The following MSH6 variants were observed in gnomAD, a reference collection of about 807,000 sequenced individuals.
MSH6 encodes mutS homolog 6.
Under a neutral mutation model 119.1 loss-of-function variants are expected in MSH6, and 85 were observed. That is an observed-to-expected ratio of 0.71 (90% CI 0.60 to 0.85). The LOEUF (loss-of-function observed/expected upper bound fraction) is 0.85. MSH6 is among the 40% of genes least tolerant of loss of function. MSH6 has a pLI of 0.00. For missense variants in MSH6, 2,163 were observed against 1,655.3 expected (o/e 1.31, Z -5.32); for synonymous variants, 830 against 586.9 (o/e 1.41, Z -5.99).
In MSH6 at chr2:47,806,932, A is replaced by G. The variant is rs1670244112; in HGVS notation, c.*72A>G. ...AATTCAGACAACATTATGATCTAAT[A>G]AACTTTATTTTTTAAAAATGACCAT... is the stretch of plus-strand genomic sequence containing the variant. On this transcript the variant is annotated 3_prime_UTR_variant, in exon 10 of 10. Transcript: ENST00000234420. 4 of 1,156,944 alleles carry G rather than the reference A, an allele frequency of 3.5e-6. No individual in the cohort carries two copies. The highest frequency in any genetic ancestry group is 5.1e-6 in the Non-Finnish European group (4 of 778,758). The allele number at this position is 1,156,944 out of a possible 1,614,324, so 71.7% of individuals were successfully genotyped here.
rs1182444882 is a variant in MSH6 at position 47,791,002 on chromosome 2, C to A, written c.336C>A (p.Asn112Lys). 3.1e-6 allele frequency: 5 copies of A among 1,614,096 alleles called. No homozygotes were observed. The highest frequency in any genetic ancestry group is 4.2e-6 in the Non-Finnish European group (5 of 1,180,046). The change falls in exon 2 of 10, where the codon AAC becomes AAA. Residue 112 changes from asparagine (N) to lysine (K), a missense_variant. By Grantham distance (94) the Asn-to-Lys change is moderately conservative. Transcript: ENST00000234420. ...GYPWWPCLVY[N>K]HPFDGTFIRE... ...CCTGGTGGCCTTGTCTGGTTTACAA[C>A]CACCCCTTTGATGGAACATTCATCC...
intron 1 of MSH6, among the ~76,000 whole-genome samples, chr2:47,785,850 T>C (rs1668319041): frequency 6.6e-6 from 1 of 152,240 alleles, no homozygotes; most frequent in Admixed American, 6.5e-5. Context: ...ATTTGTTTCT[T>C]GAGGTTGAGT....
At chr2:47,790,726 C>T (rs528460203) in intron 1 of MSH6, among the ~76,000 whole-genome samples, 2 of 152,202 alleles carry the variant, frequency 1.3e-5, no homozygotes, top group African/African-American at 4.8e-5. Context: ...TTGTGTTTGT[C>T]TTCATAGTTA....
At position 47,799,337 on chromosome 2, in the gene MSH6, A is replaced by T. The variant is rs780734507; in HGVS notation, c.1354A>T (p.Met452Leu). 2 of 1,614,068 alleles carry T rather than the reference A, an allele frequency of 1.2e-6. No individual in the cohort carries two copies. The highest frequency in any genetic ancestry group is 1.7e-6 in the Non-Finnish European group (2 of 1,180,028). Reference sequence around the variant, plus strand: ...AGTCAGTGAACTGGGGCTGGTATTCATGAAAGGCAACTGGGCCCATTCTGG... The same window carrying T: ...AGTCAGTGAACTGGGGCTGGTATTCTTGAAAGGCAACTGGGCCCATTCTGG... ...IGVSELGLVF[M>L]KGNWAHSGFP... The change falls in exon 4 of 10, where the codon ATG becomes TTG. Residue 452 changes from methionine (M) to leucine (L), a missense_variant. Physicochemically the swap from Met to Leu is conservative, Grantham distance 15. Transcript: ENST00000234420.
rs2104350987 is a variant in MSH6, at chr2:47,799,532, A to G, written c.1549A>G (p.Ile517Val). The G allele has an allele frequency of 6.2e-7, 1 of 1,614,190 alleles. No individual in the cohort carries two copies. The highest frequency in any genetic ancestry group is 1.6e-4 in the Middle Eastern group (1 of 6,062). ...GGTGAGGAGGGAGATCTGTAGGATC[A>G]TTACCAAGGGTACACAGACTTACAG... Reference protein sequence around the residue: ...RVVRREICRIITKGTQTYSVL... With the variant: ...RVVRREICRIVTKGTQTYSVL... The change falls in exon 4 of 10, where the codon ATT (isoleucine) becomes GTT (valine). Residue 517 changes from isoleucine (I) to valine (V), a missense_variant. By Grantham distance (29) the Ile-to-Val change is conservative (BLOSUM62 3). Transcript: ENST00000234420.
At chr2:47,804,681 A>G (rs1250350915) in intron 5 of MSH6, among the ~76,000 whole-genome samples, 1 of 152,130 alleles carries the variant, frequency 6.6e-6, no homozygotes, top group Non-Finnish European at 1.5e-5. Context: ...GTGGGTTGGT[A>G]AGCAGGCTCT....
Position 47,801,004 on chromosome 2 carries a change from GACCAAA to G in MSH6, c.3024_3029del (p.Lys1009_Thr1010del). The G allele has an allele frequency of 6.4e-7, 1 of 1,569,598 alleles. No individual in the cohort carries two copies. Among genetic ancestry groups the G allele is most frequent in the South Asian group, 1.2e-5 (1 of 82,422 alleles). ...CCAAGAAGGGCTGTAAACGATACTG[GACCAAA>G]ACTATTGAAAAGAAGTTGGCTAATC... On this transcript the variant is annotated inframe_deletion, in exon 4 of 10. Coordinates refer to ENST00000234420, the MANE Select transcript of MSH6 (RefSeq NM_000179.3).
chr2:47,809,438 G>C (rs762548739), downstream of MSH6: 620 of 690,044 alleles, frequency 9.0e-4, no homozygotes, highest in Non-Finnish European at 1.1e-3. Flanking sequence ...CCTTGTATAA[G>C]ATACTCCAAC....
At chr2:47,809,037 A>G, downstream of MSH6, 1 of 605,046 alleles carries the variant, frequency 1.7e-6, no homozygotes, top group South Asian at 2.1e-5. Context: ...TAGATTGATG[A>G]TAAAATTTTC....
intron 1 of MSH6, among the ~76,000 whole-genome samples, chr2:47,788,233 T>C (rs1392449363): frequency 6.8e-6 from 1 of 146,350 alleles, no homozygotes; most frequent in Non-Finnish European, 1.5e-5. Flanking sequence ...TTCTTTTCTT[T>C]CATTCTTTCT....
At position 47,800,676 on chromosome 2, in the gene MSH6, C is replaced by G. The variant is rs876661281; in HGVS notation, c.2693C>G (p.Pro898Arg). Residue 898 changes from proline to arginine, a missense_variant, in exon 4 of 10, where the codon CCT becomes CGT. Physicochemically the swap from Pro to Arg is moderately radical, Grantham distance 103. Transcript: ENST00000234420. ...GTCATCTCTCTGCAGACAAAAAATC[C>G]TGAAGGTCGTTTTCCTGATTTGACT... The part of the protein sequence containing the change: ...KQVISLQTKN[P>R]EGRFPDLTVE... 1.2e-6 allele frequency: 2 copies of G among 1,614,006 alleles called. No homozygotes were observed. Among genetic ancestry groups the G allele is most frequent in the Non-Finnish European group, 1.7e-6 (2 of 1,180,026 alleles).
Position 47,800,418 on chromosome 2 carries a change from T to C in MSH6, c.2435T>C (p.Leu812Pro), listed in dbSNP as rs1572727192. Residue 812 changes from leucine to proline, a missense_variant, in exon 4 of 10, where the codon CTA (leucine) becomes CCA (proline). Transcript: ENST00000234420. The part of the protein sequence containing the change: ...PDKISEVVEL[L>P]KKLPDLERLL... ...AAAATCTCCGAAGTTGTAGAGCTTC[T>C]AAAGAAGCTTCCAGATCTTGAGAGG... 1 of 1,614,090 alleles carries C rather than the reference T, an allele frequency of 6.2e-7. No homozygotes were observed. The highest frequency in any genetic ancestry group is 8.5e-7 in the Non-Finnish European group (1 of 1,180,022).
intron 1 of MSH6, among the ~76,000 whole-genome samples, chr2:47,788,922 GTTTTTTTTTTTTTTTTT>G (rs1558650240): frequency 2.4e-5 from 1 of 40,932 alleles, no homozygotes; most frequent in Admixed American, 3.9e-4. Context: ...TTTTTTTTTT[GTTTTTTTTTTTTTTTTT>G]TTTTTTTTGT....
intron 2 of MSH6, among the ~76,000 whole-genome samples, chr2:47,792,587 C>G (rs1406527423): frequency 2.0e-5 from 3 of 152,216 alleles, no homozygotes; most frequent in Non-Finnish European, 4.4e-5. Flanking sequence ...TGCCTGAGCT[C>G]AAGCAGTCTG....
Position 47,799,736 on chromosome 2 carries a change from C to T in MSH6, c.1753C>T (p.Leu585=), listed in dbSNP as rs1558662820. 4 of 1,614,152 alleles carry T rather than the reference C, an allele frequency of 2.5e-6. No homozygotes were observed. Among genetic ancestry groups the T allele is most frequent in the Non-Finnish European group, 3.4e-6 (4 of 1,180,032 alleles). ...DDRHCSRFRT[L]VAHYPPVQVL... ...TCGCCATTGTTCGAGATTTAGGACT[C>T]TAGTGGCACACTATCCCCCAGTACA... The change falls in exon 4 of 10, where the codon CTA becomes TTA. Residue 585 remains leucine (L), a synonymous_variant. Transcript: ENST00000234420.
At chr2:47,798,199 C>T (rs1669212945) in intron 3 of MSH6, 2 of 176,694 alleles carry the variant, frequency 1.1e-5, no homozygotes, top group South Asian at 1.2e-4. Context: ...TTTCTAATTT[C>T]TAGAGGTGGG....
chr2:47,806,747 A>C, intron 9 of MSH6, 32 bp from the exon 10 acceptor site: 1 of 1,514,868 alleles, frequency 6.6e-7, no homozygotes, highest in Non-Finnish European at 9.0e-7. Flanking sequence ...AAAAAACAAA[A>C]AAACTTTTTT....
intron 4 of MSH6, 63 bp from the exon 5 acceptor site, chr2:47,803,357 A>C: frequency 1.2e-6 from 2 of 1,604,210 alleles, no homozygotes; most frequent in Non-Finnish European, 1.7e-6. Context: ...AAGACCTATA[A>C]AACACTTAGG....
chr2:47,805,567 G>T (rs1669945859), intron 6 of MSH6, 51 bp from the exon 7 acceptor site: 5 of 1,183,948 alleles, frequency 4.2e-6, no homozygotes, highest in Non-Finnish European at 5.1e-6. Context: ...ATGAATTTAT[G>T]TAATATGATT....
Sources: gnomAD v4.1 joint callset for allele counts (sites outside exome capture counted in the v4.1 genomes callset) on GRCh38, gnomAD v4.1.1 for gene constraint, MANE v1.5 for transcripts, NCBI Gene and HGNC (gene_info 2026-07-23, HGNC 2026-07-21) for gene names.